The following LHX8 variants were observed in gnomAD, a reference collection of about 807,000 sequenced individuals.
LHX8 encodes the protein LIM/homeobox protein Lhx8.
LHX8 carries 12 observed loss-of-function variants against 40.3 expected under a neutral mutation model. That is an observed-to-expected ratio of 0.30 (90% CI 0.19 to 0.48). The LOEUF is 0.48. Ranked by LOEUF, LHX8 falls within the 20% of genes least tolerant of loss-of-function variation. LHX8 has a pLI of 0.99. For synonymous variants in LHX8, 179 were observed against 162.0 expected (o/e 1.10, Z -0.80); for missense variants, 344 against 433.7 (o/e 0.79, Z 1.84).
chr1:75,129,747 GGGGAA>G (rs1647913826), upstream of LHX8, among the ~76,000 whole-genome samples: 1 of 152,188 alleles, frequency 6.6e-6, no homozygotes, highest in Admixed American at 6.5e-5. Flanking sequence ...AGACATCCCT[GGGGAA>G]GTGGGAAAAC....
chr1:75,161,660 CAT>C (rs529999008), downstream of LHX8: 119 of 124,496 alleles, frequency 9.6e-4, no homozygotes, highest in African/African-American at 2.9e-3. Flanking sequence ...GAGTAGGAAA[CAT>C]ATTATTCAAA....
chr1:75,179,023 G>A, the LHX8 span, among the ~76,000 whole-genome samples: 2 of 152,068 alleles, frequency 1.3e-5, no homozygotes, highest in Non-Finnish European at 1.5e-5. Flanking sequence ...TTTGATTGCA[G>A]TGTGGTCTGA....
chr1:75,169,107 G>A, the LHX8 span, among the ~76,000 whole-genome samples: 2 of 151,994 alleles, frequency 1.3e-5, no homozygotes, highest in Admixed American at 1.3e-4. Flanking sequence ...TTTTCATGGG[G>A]TGGCCACTTC....
chr1:75,136,609 G>C lies in LHX8; in HGVS notation c.-6G>C. 1.3e-6 allele frequency: 2 copies of C among 1,550,064 alleles called. No homozygotes were observed. Among genetic ancestry groups the C allele is most frequent in the Non-Finnish European group, 1.7e-6 (2 of 1,146,466 alleles). On this transcript the variant is annotated 5_prime_UTR_variant, in exon 2 of 9. Coordinates refer to ENST00000356261, the MANE Select transcript of LHX8 (RefSeq NM_001256114.2). ...TCCCCCTCCTACTCCGCAGTGTCAG[G>C]GGCTCATGTCAGAGGAGTGCGGGCG...
At chr1:75,144,469 T>G (rs899229048) in intron 6 of LHX8, among the ~76,000 whole-genome samples, 3 of 152,156 alleles carry the variant, frequency 2.0e-5, no homozygotes, top group Admixed American at 2.0e-4. Flanking sequence ...TTGACTACAA[T>G]TGAGCAGATT....
Position 75,134,439 on chromosome 1 carries a change from C to A in LHX8, c.-528C>A, listed in dbSNP as rs1648059972. ...GAAGCTGGGAAAGGAATTTTAAGAACGGTTCATCAGAAAGTGGTCAGGCCA... is the reference window on the plus strand; with the variant it reads ...GAAGCTGGGAAAGGAATTTTAAGAAAGGTTCATCAGAAAGTGGTCAGGCCA... On this transcript the variant is annotated 5_prime_UTR_variant, in exon 1 of 9. Transcript: ENST00000356261. Among the ~76,000 whole-genome samples the A allele has an allele frequency of 6.6e-6, 1 of 151,282 alleles. No homozygotes were observed. The highest frequency in any genetic ancestry group is 1.5e-5 in the Non-Finnish European group (1 of 67,938).
the LHX8 span, among the ~76,000 whole-genome samples, chr1:75,166,779 G>C: frequency 6.6e-6 from 1 of 152,196 alleles, no homozygotes; most frequent in Non-Finnish European, 1.5e-5. Context: ...CCTAGCACTT[G>C]CAAAGGGTCA....
chr1:75,133,199 T>C (rs1047382084), upstream of LHX8: 2 of 152,124 alleles, frequency 1.3e-5, no homozygotes, highest in African/African-American at 4.8e-5. Flanking sequence ...AGAAAAACAA[T>C]GGCGATAGGA....
the LHX8 span, among the ~76,000 whole-genome samples, chr1:75,193,100 T>C: frequency 1.3e-5 from 2 of 152,232 alleles, no homozygotes; most frequent in Admixed American, 6.5e-5. Context: ...TGGACATCTA[T>C]ATCTGGATAC....
the LHX8 span, among the ~76,000 whole-genome samples, chr1:75,194,838 C>G: frequency 6.6e-6 from 1 of 152,212 alleles, no homozygotes; most frequent in African/African-American, 2.4e-5. Flanking sequence ...AGAAATTTCT[C>G]CTGAGAAATT....
the LHX8 span, among the ~76,000 whole-genome samples, chr1:75,183,892 G>T: frequency 6.6e-6 from 1 of 152,134 alleles, no homozygotes; most frequent in Non-Finnish European, 1.5e-5. Flanking sequence ...CATCTCACAT[G>T]CAATTACATC....
downstream of LHX8, among the ~76,000 whole-genome samples, chr1:75,162,580 TACA>T (rs1454490102): frequency 5.8e-5 from 1 of 17,258 alleles, no homozygotes; most frequent in African/African-American, 1.8e-4. Flanking sequence ...AGAGAGTTTT[TACA>T]AAAATATATC....
chr1:75,132,760 C>A (rs976594023), upstream of LHX8: 1 of 145,834 alleles, frequency 6.9e-6, no homozygotes, highest in Non-Finnish European at 1.5e-5. Context: ...AACCCTAACA[C>A]ACACACACAC....
intron 2 of LHX8, 75 bp downstream of exon 2, chr1:75,136,764 C>T: frequency 1.6e-6 from 2 of 1,218,782 alleles, no homozygotes; most frequent in South Asian, 1.3e-5. Context: ...CCGCTGTCCC[C>T]GCGCTCCTTC....
At chr1:75,195,345 G>A in the LHX8 span, among the ~76,000 whole-genome samples, 1 of 152,152 alleles carries the variant, frequency 6.6e-6, no homozygotes, top group African/African-American at 2.4e-5. Flanking sequence ...CTCAAGGAAA[G>A]ACTTCACCTG....
the LHX8 span, among the ~76,000 whole-genome samples, chr1:75,193,613 T>C: frequency 2.0e-5 from 3 of 152,242 alleles, no homozygotes; most frequent in Non-Finnish European, 4.4e-5. Context: ...TTTTCTTTCC[T>C]GCTAAAATAT....
chr1:75,159,271 C>T (rs559130073), intron 8 of LHX8: 3 of 152,190 alleles, frequency 2.0e-5, no homozygotes, highest in East Asian at 3.9e-4. Flanking sequence ...CTTGCTCCTT[C>T]GAAAATAAAC....
chr1:75,149,146 T>C (rs906414501), intron 7 of LHX8, among the ~76,000 whole-genome samples: 3 of 152,216 alleles, frequency 2.0e-5, no homozygotes, highest in Admixed American at 1.3e-4. Flanking sequence ...TTTTTCCTAC[T>C]TTTTTTATGA....
chr1:75,131,172 C>T (rs1334348170), upstream of LHX8: 2 of 287,168 alleles, frequency 7.0e-6, no homozygotes, highest in African/African-American at 4.3e-5. Context: ...CTGTGCCTCG[C>T]CCCGATCTCC....
Sources: allele counts gnomAD v4.1 joint callset (sites outside exome capture counted in the v4.1 genomes callset), GRCh38; gene constraint gnomAD v4.1.1; transcripts MANE v1.5; gene names NCBI Gene and HGNC (gene_info 2026-07-23, HGNC 2026-07-21).